The following CPVL variants were observed in gnomAD, a reference collection of about 807,000 sequenced individuals.
CPVL encodes carboxypeptidase vitellogenic like.
In CPVL, 51 loss-of-function variants were observed where a neutral mutation model predicts 63.7. That is an observed-to-expected ratio of 0.80 (90% CI 0.64 to 1.01). The LOEUF is 1.01. Among genes scored for constraint, CPVL ranks in the 50% least tolerant of loss-of-function variants. The pLI, the probability that CPVL is intolerant of heterozygous loss-of-function variation, is 0.00. For missense variants in CPVL, 530 were observed against 573.1 expected, an observed-to-expected ratio of 0.92 and a Z score of 0.77; for synonymous variants, 195 against 206.0, an observed-to-expected ratio of 0.95 and a Z score of 0.46.
At chr7:29,123,612 AAAAAAAAAAAAAAAAAAT>A (rs1238850999) in intron 1 of CPVL, among the ~76,000 whole-genome samples, 17 of 94,602 alleles carry the variant, frequency 1.8e-4, no homozygotes, top group African/African-American at 4.1e-4. Context: ...AAAAAAAAAA[AAAAAAAAAAAAAAAAAAT>A]ATATATATAT....
At chr7:29,002,556 A>T (rs548382228) in intron 12 of CPVL, among the ~76,000 whole-genome samples, 1 of 152,350 alleles carries the variant, frequency 6.6e-6, no homozygotes, top group South Asian at 2.1e-4. Context: ...TAAGGAGAAA[A>T]AAAGATAACA....
At chr7:29,156,622 T>C (rs1481373483) in intron 5 of CPVL, among the ~76,000 whole-genome samples, 1 of 152,242 alleles carries the variant, frequency 6.6e-6, no homozygotes, top group Non-Finnish European at 1.5e-5. Context: ...GTGGGTTTTT[T>C]TTCCTCTTTA....
chr7:29,090,723 G>A (rs1478356994), intron 6 of CPVL, among the ~76,000 whole-genome samples: 1 of 152,156 alleles, frequency 6.6e-6, no homozygotes, highest in Middle Eastern at 3.2e-3. Context: ...GAGGCATTGT[G>A]ACTAAATAGC....
At chr7:29,133,143 T>C (rs1252800354) in intron 1 of CPVL, among the ~76,000 whole-genome samples, 1 of 150,244 alleles carries the variant, frequency 6.7e-6, no homozygotes. Flanking sequence ...ATCTGCTTCA[T>C]AAGCCACTGA....
chr7:29,126,892 C>T (rs947951970), intron 1 of CPVL: 2 of 152,204 alleles, frequency 1.3e-5, no homozygotes, highest in African/African-American at 4.8e-5. Context: ...CTGGACAACA[C>T]TCTTGAAGTA....
intron 7 of CPVL, 103 bp from the exon 8 acceptor site, chr7:29,072,526 A>G: frequency 7.7e-7 from 1 of 1,298,034 alleles, no homozygotes; most frequent in Non-Finnish European, 1.1e-6. Flanking sequence ...ATCTTTCCAC[A>G]TGAGGTATAC....
chr7:29,120,448 A>AATAT (rs745448244), intron 2 of CPVL, among the ~76,000 whole-genome samples: 42 of 147,506 alleles, frequency 2.8e-4, no homozygotes, highest in African/African-American at 1.0e-3. Flanking sequence ...AAACAAACAA[A>AATAT]ATATATATAT....
chr7:29,082,150 A>AT (rs544206120), intron 7 of CPVL, among the ~76,000 whole-genome samples: 2,150 of 151,660 alleles, frequency 0.014, 24 homozygotes, highest in Admixed American at 0.024. Flanking sequence ...ATCTAGAACA[A>AT]TTTTTTTTTG....
rs71555783 is a variant in CPVL, at chr7:29,103,248, G to GT, written c.289-7032dup. ...TTTTAAGAAACATAATTGTTGTTTT[G>GT]TTTTTTTTTTTTTTTGAGATGGAGG... is the stretch of plus-strand genomic sequence containing the variant. On this transcript the variant is annotated intron_variant, in intron 3 of 12. Transcript: ENST00000265394. Among the ~76,000 whole-genome samples the GT allele has an allele frequency of 8.5e-3, 813 of 96,164 alleles. 8 individuals are homozygous for GT. Among genetic ancestry groups the GT allele is most frequent in the Non-Finnish European group, 0.013 (621 of 49,508 alleles). 63.1% of individuals were successfully genotyped at this position (96,164 alleles called of 152,430 possible).
chr7:29,126,399 C>T (rs1790027858), intron 1 of CPVL: 3 of 152,164 alleles, frequency 2.0e-5, no homozygotes, highest in Admixed American at 2.0e-4. Context: ...GAGCTAGATG[C>T]TATTTTCCAT....
rs1350652677 is a variant in CPVL, at chr7:29,067,836, C to T, written c.865-1715G>A. Among the ~76,000 whole-genome samples, 5 of 152,114 alleles carry T rather than the reference C, an allele frequency of 3.3e-5. No homozygotes were observed. The South Asian group carries it at 1.0e-3, about 32-fold the overall frequency. Reference sequence around the variant, plus strand: ...GAGTTTAAGCAACTTGCCGAGGACACCTCACTAATAATGTCAGAGATGAGA... The same window carrying T: ...GAGTTTAAGCAACTTGCCGAGGACATCTCACTAATAATGTCAGAGATGAGA... On this transcript the variant is annotated intron_variant, in intron 9 of 12. Coordinates refer to ENST00000265394, the MANE Select transcript of CPVL (RefSeq NM_031311.5).
upstream of CPVL, among the ~76,000 whole-genome samples, chr7:29,150,166 C>T (rs547650096): frequency 2.6e-4 from 40 of 152,220 alleles, no homozygotes; most frequent in African/African-American, 9.6e-4. Context: ...TTTGTTAAGC[C>T]CTAGTGGTTC....
chr7:29,022,066 T>A (rs961839041), intron 12 of CPVL, among the ~76,000 whole-genome samples: 1 of 152,142 alleles, frequency 6.6e-6, no homozygotes, highest in Non-Finnish European at 1.5e-5. Flanking sequence ...GCTGCCTGCC[T>A]GGGGCTGTTG....
intron 11 of CPVL, among the ~76,000 whole-genome samples, chr7:29,051,929 A>ATG (rs199987968): frequency 0.072 from 7,420 of 102,596 alleles, 216 homozygotes; most frequent in Non-Finnish European, 0.1. Flanking sequence ...ACATATATAT[A>ATG]TTCCAAATAT....
intron 1 of CPVL, among the ~76,000 whole-genome samples, chr7:29,131,698 A>G (rs1400405311): frequency 6.6e-6 from 1 of 152,202 alleles, no homozygotes; most frequent in East Asian, 1.9e-4. Flanking sequence ...CTTTTTGTAG[A>G]AATGGAATTT....
intron 5 of CPVL, among the ~76,000 whole-genome samples, chr7:29,093,483 G>C (rs1231141262): frequency 1.3e-5 from 2 of 148,912 alleles, no homozygotes; most frequent in Non-Finnish European, 3.0e-5. Context: ...CCCCCTTCTT[G>C]TCTTTATTTG....
At chr7:29,159,549 T>C (rs1584479425) in intron 5 of CPVL, among the ~76,000 whole-genome samples, 1 of 152,178 alleles carries the variant, frequency 6.6e-6, no homozygotes, top group African/African-American at 2.4e-5. Context: ...TTCTCCTATG[T>C]AGAGTGATGA....
At chr7:29,050,520 A>G (rs1790039973) in intron 11 of CPVL, among the ~76,000 whole-genome samples, 2 of 152,156 alleles carry the variant, frequency 1.3e-5, no homozygotes, top group African/African-American at 4.8e-5. Flanking sequence ...ATACTTTGCA[A>G]TAAACACTTT....
intron 9 of CPVL, among the ~76,000 whole-genome samples, chr7:29,071,187 A>G (rs1435150792): frequency 6.6e-6 from 1 of 152,194 alleles, no homozygotes; most frequent in Non-Finnish European, 1.5e-5. Context: ...CTGAGAAAGA[A>G]AAGAGTGAAG....
Sources: gnomAD v4.1 joint callset for allele counts (sites outside exome capture counted in the v4.1 genomes callset) on GRCh38, gnomAD v4.1.1 for gene constraint, MANE v1.5 for transcripts, NCBI Gene and HGNC (gene_info 2026-07-23, HGNC 2026-07-21) for gene names.